The following RRM1 variants were observed in gnomAD, a reference collection of about 807,000 sequenced individuals.
RRM1 encodes ribonucleoside-diphosphate reductase large subunit.
In RRM1, 19 loss-of-function variants were observed where a neutral mutation model predicts 101.5. The ratio of observed to expected loss-of-function variants is 0.19; its 90% CI spans 0.13 to 0.27. The LOEUF (loss-of-function observed/expected upper bound fraction) is 0.27. Ranked by LOEUF, RRM1 falls within the 10% of genes least tolerant of loss-of-function variation. The pLI, the probability that RRM1 is intolerant of heterozygous loss-of-function variation, is 1.00. For synonymous variants in RRM1, 298 were observed against 323.4 expected (o/e 0.92, Z 0.84); for missense variants, 500 against 962.9 (o/e 0.52, Z 6.36).
chr11:4,138,210 A>T lies in RRM1; in HGVS notation c.2206A>T (p.Met736Leu). ...YGWKQGLKTG[M>L]YYLRTRPAAN... ...TTCCTTGTAGGGTTTGAAGACTGGGATGTATTATTTAAGGACAAGACCAGC... is the reference window on the plus strand; with the variant it reads ...TTCCTTGTAGGGTTTGAAGACTGGGTTGTATTATTTAAGGACAAGACCAGC... Residue 736 changes from methionine (M) to leucine (L), a missense_variant, in exon 19 of 19, where the codon ATG becomes TTG. By Grantham distance (15) the Met-to-Leu change is conservative. Coordinates refer to ENST00000300738, the MANE Select transcript of RRM1 (RefSeq NM_001033.5). The T allele has an allele frequency of 6.4e-7, 1 of 1,573,078 alleles. No homozygotes were observed. The highest frequency in any genetic ancestry group is 8.7e-7 in the Non-Finnish European group (1 of 1,147,432).
At chr11:4,111,567 CTCTG>C in intron 5 of RRM1, 30 bp from the exon 6 acceptor site, 4 of 1,554,050 alleles carry the variant, frequency 2.6e-6, no homozygotes, top group Non-Finnish European at 2.6e-6. Flanking sequence ...AAAAACGGTG[CTCTG>C]AAAATTTTTT....
chr11:4,135,385 C>T, intron 18 of RRM1, 115 bp downstream of exon 18: 1 of 785,966 alleles, frequency 1.3e-6, no homozygotes, highest in Non-Finnish European at 1.9e-6. Context: ...TCTTTAAGTT[C>T]AAATCCAGAA....
At chr11:4,103,102 C>T (rs764647125) in intron 2 of RRM1, among the ~76,000 whole-genome samples, 15 of 152,184 alleles carry the variant, frequency 9.9e-5, no homozygotes, top group Non-Finnish European at 2.1e-4. Flanking sequence ...AACCTGTGCT[C>T]ATCTCATAGC....
chr11:4,102,165 C>A, intron 2 of RRM1, 84 bp downstream of exon 2: 2 of 740,860 alleles, frequency 2.7e-6, no homozygotes, highest in Non-Finnish European at 2.4e-6. Flanking sequence ...CTTCATTCAC[C>A]TGATATACTT....
chr11:4,130,086 A>ATATATATATATATATATATATAT (rs1202870487), intron 15 of RRM1, among the ~76,000 whole-genome samples: 2 of 99,446 alleles, frequency 2.0e-5, no homozygotes, highest in African/African-American at 1.1e-4. Context: ...ATATATATAT[A>ATATATATATATATATATATATAT]TTTTTTTTTT....
intron 9 of RRM1, among the ~76,000 whole-genome samples, chr11:4,120,408 G>C (rs759548231): frequency 6.6e-6 from 1 of 151,804 alleles, no homozygotes; most frequent in Admixed American, 6.6e-5. Flanking sequence ...TTATCACCCA[G>C]GCTGGAGTGC....
intron 9 of RRM1, among the ~76,000 whole-genome samples, chr11:4,121,204 G>C (rs2094581357): frequency 6.6e-6 from 1 of 152,160 alleles, no homozygotes; most frequent in East Asian, 1.9e-4. Context: ...GGACTTTGGG[G>C]ACCTTGATAA....
At chr11:4,098,327 C>T (rs2094546381) in intron 1 of RRM1, among the ~76,000 whole-genome samples, 1 of 148,620 alleles carries the variant, frequency 6.7e-6, no homozygotes, top group African/African-American at 2.5e-5. Flanking sequence ...CCTTCCCTCC[C>T]TCCTTGCTTC....
At chr11:4,100,053 A>C (rs1216001931) in intron 1 of RRM1, among the ~76,000 whole-genome samples, 5 of 152,220 alleles carry the variant, frequency 3.3e-5, no homozygotes, top group South Asian at 2.1e-4. Flanking sequence ...AGTGCCAGCC[A>C]GTTAATTTAC....
chr11:4,120,825 C>T (rs774682922), intron 9 of RRM1, among the ~76,000 whole-genome samples: 5 of 152,134 alleles, frequency 3.3e-5, no homozygotes, highest in African/African-American at 4.8e-5. Flanking sequence ...TTCAAGCTCA[C>T]GAGTTCAACA....
chr11:4,112,255 T>C (rs2094566608), intron 7 of RRM1, among the ~76,000 whole-genome samples, 193 bp downstream of exon 7: 1 of 152,244 alleles, frequency 6.6e-6, no homozygotes, highest in African/African-American at 2.4e-5. Context: ...ACAAAAATGT[T>C]CTAAAATTGA....
intron 13 of RRM1, 37 bp downstream of exon 13, chr11:4,126,870 A>C (rs375346873): frequency 1.4e-5 from 21 of 1,542,620 alleles, no homozygotes; most frequent in African/African-American, 4.1e-5. Flanking sequence ...GTAATTATTG[A>C]AATCCAAATT....
At chr11:4,122,008 C>T (rs1590725511) in intron 10 of RRM1, 133 bp from the exon 11 acceptor site, 1 of 755,908 alleles carries the variant, frequency 1.3e-6, no homozygotes, top group Non-Finnish European at 2.1e-6. Context: ...TGGGCCTGAA[C>T]CTGAAAATGA....
At chr11:4,119,142 G>A (rs1590723440) in intron 8 of RRM1, 3 of 152,284 alleles carry the variant, frequency 2.0e-5, no homozygotes, top group African/African-American at 4.8e-5. Flanking sequence ...TTTTCTGTAA[G>A]GTGAAGAAAA....
chr11:4,095,808 G>A (rs1378199440), intron 1 of RRM1, among the ~76,000 whole-genome samples: 1 of 152,232 alleles, frequency 6.6e-6, no homozygotes, highest in Non-Finnish European at 1.5e-5. Context: ...GAGATTGTAG[G>A]AGGAGACAGT....
rs2094594834 is a variant in RRM1, at chr11:4,129,202, C to T, written c.1769+52C>T. On this transcript the variant is annotated intron_variant, in intron 15 of 18. Transcript: ENST00000300738. ...TGAAGGCAGAAGGGTTTAGGTTCAC[C>T]TTCTGGATCTTCAGAAGTTAGATAT... 3 of 1,014,748 alleles carry T rather than the reference C, an allele frequency of 3.0e-6. No individual in the cohort carries two copies. In the South Asian group the frequency reaches 4.2e-5, roughly 14 times the overall value. 62.9% of individuals were successfully genotyped at this position (1,014,748 alleles called of 1,614,324 possible).
intron 1 of RRM1, 148 bp downstream of exon 1, chr11:4,095,179 C>T (rs1337746426): frequency 2.0e-6 from 2 of 984,946 alleles, no homozygotes; most frequent in South Asian, 1.5e-5. Flanking sequence ...TCAGCCCGCT[C>T]GGCCTTCTGT....
At chr11:4,127,961 C>T (rs543020772) in intron 14 of RRM1, among the ~76,000 whole-genome samples, 1 of 152,238 alleles carries the variant, frequency 6.6e-6, no homozygotes, top group African/African-American at 2.4e-5. Context: ...GTGATCTCGT[C>T]TGAGACACAG....
At chr11:4,133,698 T>C (rs369852259) in intron 17 of RRM1, 40 bp downstream of exon 17, 1 of 1,180,412 alleles carries the variant, frequency 8.5e-7, no homozygotes, top group East Asian at 2.3e-5. Flanking sequence ...AGGGGCTGAG[T>C]TGGACATTGT....
Sources: gnomAD v4.1 joint callset for allele counts (sites outside exome capture counted in the v4.1 genomes callset) on GRCh38, gnomAD v4.1.1 for gene constraint, MANE v1.5 for transcripts, NCBI Gene and HGNC (gene_info 2026-07-23, HGNC 2026-07-21) for gene names.